Variants in LRRC57 observed in about 807,000 individuals in gnomAD.
LRRC57 encodes leucine-rich repeat-containing protein 57.
A neutral mutation model predicts 23.1 loss-of-function variants in LRRC57; 14 were observed. The ratio of observed to expected loss-of-function variants is 0.61; its 90% confidence interval spans 0.40 to 0.95. The LOEUF is 0.95. Ranked by LOEUF, LRRC57 falls within the 40% of genes least tolerant of loss-of-function variation. The probability of loss-of-function intolerance (pLI) is 0.00; values close to 1 mark genes in which losing one functional copy is unlikely to be tolerated. For synonymous variants in LRRC57, 106 were observed against 115.2 expected (o/e 0.92, Z 0.51); for missense variants, 236 against 284.4 (o/e 0.83, Z 1.22).
chr15:42,545,236 A>G lies in LRRC57; in HGVS notation c.519T>C (p.Ser173=). The change falls in exon 5 of 6, where the codon TCT becomes TCC. Residue 173 remains serine (S), a synonymous_variant. Transcript: ENST00000397130. ...GAAGAATTTTAAGGCGTGGACAGCAAGATATCTTCACTGAGATCTGAGATA... is the reference window on the plus strand; with the variant it reads ...GAAGAATTTTAAGGCGTGGACAGCAGGATATCTTCACTGAGATCTGAGATA... ...NQISQISVKI[S]CCPRLKILRL... 6.3e-7 allele frequency: 1 copy of G among 1,587,386 alleles called. No homozygotes were observed. The highest frequency in any genetic ancestry group is 8.5e-7 in the Non-Finnish European group (1 of 1,170,560).
chr15:42,545,014 A>G (rs1313985720), intron 5 of LRRC57, 63 bp downstream of exon 5: 2 of 1,234,820 alleles, frequency 1.6e-6, no homozygotes, highest in Non-Finnish European at 2.2e-6. Context: ...ATTTCTGTGG[A>G]TTACTTCACC....
rs2057644022 is a variant in LRRC57 at position 42,544,001 on chromosome 15, C to A, written c.*82G>T. ...TCCTTACTGTAGATACCCCTAACAACAACAGGAGGCTTTGACTCAGCCACA... is the reference window on the plus strand; with the variant it reads ...TCCTTACTGTAGATACCCCTAACAAAAACAGGAGGCTTTGACTCAGCCACA... On this transcript the variant is annotated 3_prime_UTR_variant, in exon 6 of 6. Coordinates refer to ENST00000397130, the MANE Select transcript of LRRC57 (RefSeq NM_153260.3). 12 of 1,124,300 alleles carry A rather than the reference C, an allele frequency of 1.1e-5. No homozygotes were observed. Among genetic ancestry groups the A allele is most frequent in the East Asian group, 4.8e-5 (2 of 42,076 alleles). The allele number at this position is 1,124,300 out of a possible 1,614,324, so 69.6% of individuals were successfully genotyped here.
In LRRC57 at chr15:42,548,250, G is replaced by A; in HGVS notation, c.85-6C>T. ...TTCTGCAAGTCTGCGGGGAACTGGA[G>A]AAAGGAGTTCACAGCGTGGGGAATC... On this transcript the variant is annotated splice_region_variant and splice_polypyrimidine_tract_variant and intron_variant, in intron 2 of 5. Transcript: ENST00000397130. 1 of 1,614,226 alleles carries A rather than the reference G, an allele frequency of 6.2e-7. No individual in the cohort carries two copies. Among genetic ancestry groups the A allele is most frequent in the Non-Finnish European group, 8.5e-7 (1 of 1,180,042 alleles).
At chr15:42,535,372 C>T (rs1407828282), downstream of LRRC57, among the ~76,000 whole-genome samples, 1 of 152,058 alleles carries the variant, frequency 6.6e-6, no homozygotes, top group African/African-American at 2.4e-5. Flanking sequence ...CTTTTAACTT[C>T]CTTCAAGAAC....
At chr15:42,548,083 A>C in intron 3 of LRRC57, 23 bp downstream of exon 3, 1 of 1,613,202 alleles carries the variant, frequency 6.2e-7, no homozygotes, top group South Asian at 1.1e-5. Flanking sequence ...CACTAGCAAA[A>C]GCCTCCCTGG....
chr15:42,548,068 C>G (rs752795815), intron 3 of LRRC57, 38 bp downstream of exon 3: 1 of 1,611,746 alleles, frequency 6.2e-7, no homozygotes, highest in Non-Finnish European at 8.5e-7. Context: ...CTGGTAACAG[C>G]TGATCACTAG....
Position 42,541,405 on chromosome 15 carries a change from G to A in LRRC57, c.*2678C>T, listed in dbSNP as rs1026566364. The A allele has an allele frequency of 1.3e-5, 2 of 152,220 alleles. No homozygotes were observed. Among genetic ancestry groups the A allele is most frequent in the Admixed American group, 6.5e-5 (1 of 15,280 alleles). The allele number at this position is 152,220 out of a possible 1,614,324, so 9.4% of individuals were successfully genotyped here. A position where few individuals can be genotyped will look rare whatever the true frequency, so the allele number is the denominator to read the frequency against. On this transcript the variant is annotated 3_prime_UTR_variant, in exon 6 of 6. Coordinates refer to ENST00000397130, the MANE Select transcript of LRRC57 (RefSeq NM_153260.3). ...TGTAATCCCAATTACTCAGGAGAAT[G>A]AGGCACAAGAATCAGTTGAACCTGG...
downstream of LRRC57, among the ~76,000 whole-genome samples, chr15:42,536,527 A>G (rs1459392223): frequency 6.6e-6 from 1 of 152,196 alleles, no homozygotes; most frequent in African/African-American, 2.4e-5. Context: ...AGGCACACAA[A>G]TGCAAATCAT....
At position 42,547,510 on chromosome 15, in the gene LRRC57, T is replaced by G; in HGVS notation, c.243A>C (p.Ile81=). ...NNKLTVLPDE[I]CNLKKLETLS... The stretch of plus-strand genomic sequence containing the variant: ...GCGTCTCTAGTTTTTTCAGATTGCA[T>G]ATCTCATCAGGCAGAACAGCTGGCA... The change falls in exon 4 of 6, where the codon ATA becomes ATC. Residue 81 remains isoleucine, a synonymous_variant. Transcript: ENST00000397130. The G allele has an allele frequency of 6.2e-7, 1 of 1,612,086 alleles. No individual in the cohort carries two copies. The highest frequency in any genetic ancestry group is 8.5e-7 in the Non-Finnish European group (1 of 1,178,496).
chr15:42,539,788 A>G lies in LRRC57; in HGVS notation c.*4295T>C, dbSNP rs1052944508. On this transcript the variant is annotated 3_prime_UTR_variant, in exon 6 of 6. Transcript: ENST00000397130. ...GCCCTTGCCCTCAAAGAGTTAGTCTATCATGAAAGATAAATATAGAATGTG... is the reference window on the plus strand; with the variant it reads ...GCCCTTGCCCTCAAAGAGTTAGTCTGTCATGAAAGATAAATATAGAATGTG... 1 of 152,244 alleles carries G rather than the reference A, an allele frequency of 6.6e-6. No homozygotes were observed. Among genetic ancestry groups the G allele is most frequent in the African/African-American group, 2.4e-5 (1 of 41,470 alleles). The allele number at this position is 152,244 out of a possible 1,614,324, so 9.4% of individuals were successfully genotyped here.
the LRRC57 span, among the ~76,000 whole-genome samples, chr15:42,529,986 C>T: frequency 6.6e-6 from 1 of 152,172 alleles, no homozygotes; most frequent in Non-Finnish European, 1.5e-5. Flanking sequence ...GAGCCAAGTC[C>T]TCCCTGTCAT....
In LRRC57 at chr15:42,547,404, CAG is replaced by C; in HGVS notation, c.347_348del (p.Ser116TrpfsTer13). On this transcript the variant is annotated frameshift_variant, in exon 4 of 6. Transcript: ENST00000397130. LOFTEE classifies it high-confidence loss of function. ...GGAGGTAATGCTCCCAGTTGGTTCC[CAG>C]AGAGGCTCAGGGTCTTGAGGGCAGA... is the stretch of plus-strand genomic sequence containing the variant. The part of the protein sequence containing the change: ...QLSALKTLSL[S>X]GNQLGALPPQ... 1 of 1,614,166 alleles carries C rather than the reference CAG, an allele frequency of 6.2e-7. No homozygotes were observed. Among genetic ancestry groups the C allele is most frequent in the Non-Finnish European group, 8.5e-7 (1 of 1,180,034 alleles).
rs2057669979 is a variant in LRRC57 at position 42,547,908 on chromosome 15, C to A, written c.223+198G>T. Reference sequence around the variant, plus strand: ...AAGTCCAAATTAACCCAGTAACAATCATTATAACACCCAATCATTATAAGG... The same window carrying A: ...AAGTCCAAATTAACCCAGTAACAATAATTATAACACCCAATCATTATAAGG... On this transcript the variant is annotated intron_variant, in intron 3 of 5. Coordinates refer to ENST00000397130, the MANE Select transcript of LRRC57 (RefSeq NM_153260.3). 5 of 591,266 alleles carry A rather than the reference C, an allele frequency of 8.5e-6. No homozygotes were observed. The Admixed American group carries it at 1.3e-4, about 16-fold the overall frequency. 36.6% of individuals were successfully genotyped at this position (591,266 alleles called of 1,614,324 possible).
At chr15:42,544,830 C>CTATATATATATAT (rs1454521142) in intron 5 of LRRC57, among the ~76,000 whole-genome samples, 1 of 104,228 alleles carries the variant, frequency 9.6e-6, no homozygotes, top group African/African-American at 6.8e-5. Flanking sequence ...CACACACACA[C>CTATATATATATAT]ACACACACAC....
the LRRC57 span, among the ~76,000 whole-genome samples, chr15:42,530,855 T>C: frequency 6.6e-6 from 1 of 152,246 alleles, no homozygotes; most frequent in Non-Finnish European, 1.5e-5. Context: ...ATGGATTTAA[T>C]TGAAACAGTG....
Position 42,543,849 on chromosome 15 carries a change from G to T in LRRC57, c.*234C>A. On this transcript the variant is annotated 3_prime_UTR_variant, in exon 6 of 6. Coordinates refer to ENST00000397130, the MANE Select transcript of LRRC57 (RefSeq NM_153260.3). ...GGTTTTGAAGAGAACCTTGTCTATT[G>T]CCCTACTCATGACTCAAAACGGAAG... 2.4e-6 allele frequency: 1 copy of T among 413,962 alleles called. No homozygotes were observed. Among genetic ancestry groups the T allele is most frequent in the Non-Finnish European group, 4.3e-6 (1 of 230,178 alleles). The allele number at this position is 413,962 out of a possible 1,614,324, so 25.6% of individuals were successfully genotyped here.
chr15:42,531,149 G>C, the LRRC57 span, among the ~76,000 whole-genome samples: 3 of 152,170 alleles, frequency 2.0e-5, no homozygotes, highest in African/African-American at 7.2e-5. Flanking sequence ...CCAGTTTCAG[G>C]CATGTTAAAC....
chr15:42,528,550 T>A, the LRRC57 span: 1 of 928,480 alleles, frequency 1.1e-6, no homozygotes, highest in Non-Finnish European at 1.6e-6. Context: ...AAAATGCATT[T>A]AAAAATCTGC....
the LRRC57 span, among the ~76,000 whole-genome samples, chr15:42,529,199 G>C: frequency 2.0e-5 from 3 of 152,176 alleles, no homozygotes; most frequent in African/African-American, 7.2e-5. Flanking sequence ...AATAACACTT[G>C]ATTTACAAAA....
Sources: gnomAD v4.1 joint callset for allele counts (sites outside exome capture counted in the v4.1 genomes callset) on GRCh38, gnomAD v4.1.1 for gene constraint, MANE v1.5 for transcripts, NCBI Gene and HGNC (gene_info 2026-07-23, HGNC 2026-07-21) for gene names.